BLVRA: variants seen among roughly 807,000 people sequenced by gnomAD.
BLVRA encodes the protein biliverdin reductase A.
Under a neutral mutation model 32.8 loss-of-function variants are expected in BLVRA, and 22 were observed. The ratio of observed to expected loss-of-function variants is 0.67; its 90% confidence interval spans 0.48 to 0.96. BLVRA has a LOEUF of 0.96. BLVRA is among the 40% of genes least tolerant of loss of function. The pLI is 0.00. For synonymous variants in BLVRA, 119 were observed against 141.3 expected (o/e 0.84, Z 1.12); for missense variants, 323 against 358.1 (o/e 0.90, Z 0.79).
intron 1 of BLVRA, among the ~76,000 whole-genome samples, chr7:43,769,118 C>T (rs969517653): frequency 6.6e-6 from 1 of 151,942 alleles, no homozygotes; most frequent in Non-Finnish European, 1.5e-5. Flanking sequence ...GCCTCAAATT[C>T]CTGGGCTCAA....
chr7:43,776,868 G>C (rs1383790221), intron 2 of BLVRA, among the ~76,000 whole-genome samples: 1 of 152,172 alleles, frequency 6.6e-6, no homozygotes, highest in Non-Finnish European at 1.5e-5. Context: ...AGCTCTTCTT[G>C]TTGAATTGAT....
intron 1 of BLVRA, among the ~76,000 whole-genome samples, chr7:43,761,330 A>AG (rs1426601433): frequency 2.6e-5 from 4 of 152,340 alleles, no homozygotes; most frequent in African/African-American, 9.6e-5. Context: ...AAACTATTCC[A>AG]GGGGAAAAAA....
intron 3 of BLVRA, among the ~76,000 whole-genome samples, chr7:43,788,679 A>G (rs1419947317): frequency 2.0e-5 from 3 of 152,146 alleles, no homozygotes; most frequent in Non-Finnish European, 4.4e-5. Context: ...GTGCAATCAC[A>G]GCGCACTGCA....
In BLVRA at chr7:43,768,531, A is replaced by C. The variant is rs541932406; in HGVS notation, c.-21-2607A>C. On this transcript the variant is annotated intron_variant, in intron 1 of 7. Coordinates refer to ENST00000265523, the MANE Select transcript of BLVRA (RefSeq NM_000712.4). ...GCACTTCGTCTGTAAAATGGAATTA[A>C]TACTAGCTTTTTTTTTTGCCAGGGT... 3.3e-5 allele frequency among the ~76,000 whole-genome samples: 5 copies of C among 152,172 alleles called. No individual in the cohort carries two copies. The East Asian group carries it at 7.7e-4, about 24-fold the overall frequency.
chr7:43,805,638 G>C (rs945387050), intron 7 of BLVRA, among the ~76,000 whole-genome samples: 3 of 152,102 alleles, frequency 2.0e-5, no homozygotes, highest in African/African-American at 7.2e-5. Context: ...TTGGGACAGA[G>C]AGCAGTTAAT....
At chr7:43,770,648 G>A (rs186304238) in intron 1 of BLVRA, among the ~76,000 whole-genome samples, 99 of 151,900 alleles carry the variant, frequency 6.5e-4, no homozygotes, top group African/African-American at 2.4e-3. Context: ...CCCCTCCTTC[G>A]TCTTAATGCT....
At chr7:43,802,508 A>AT (rs2095799720) in intron 6 of BLVRA, among the ~76,000 whole-genome samples, 1 of 151,946 alleles carries the variant, frequency 6.6e-6, no homozygotes. Context: ...ATATATATAT[A>AT]TTTTTTTGAT....
intron 3 of BLVRA, among the ~76,000 whole-genome samples, chr7:43,790,278 A>G (rs551593743): frequency 6.6e-6 from 1 of 152,156 alleles, no homozygotes; most frequent in African/African-American, 2.4e-5. Context: ...CATGCTCTAG[A>G]AGAGTCAGAA....
intron 1 of BLVRA, among the ~76,000 whole-genome samples, chr7:43,762,307 A>G (rs1463383707): frequency 1.3e-5 from 2 of 152,012 alleles, no homozygotes; most frequent in South Asian, 2.1e-4. Flanking sequence ...CTAGATGCCA[A>G]TGGCACATAC....
At chr7:43,792,997 T>A (rs2095787912) in intron 5 of BLVRA, among the ~76,000 whole-genome samples, 185 bp downstream of exon 5, 1 of 152,210 alleles carries the variant, frequency 6.6e-6, no homozygotes, top group South Asian at 2.1e-4. Flanking sequence ...TGGGTGGGAA[T>A]TTGCAAACTT....
Position 43,807,303 on chromosome 7 carries a change from A to G in BLVRA, c.*68A>G. On this transcript the variant is annotated 3_prime_UTR_variant, in exon 8 of 8. Coordinates refer to ENST00000265523, the MANE Select transcript of BLVRA (RefSeq NM_000712.4). ...TGGTTCTTCTCAAGAGTTGACCATT[A>G]TCTCTATTCTTAAAATTAAACATGT... 1.3e-6 allele frequency: 2 copies of G among 1,584,544 alleles called. No homozygotes were observed. The highest frequency in any genetic ancestry group is 2.2e-5 in the East Asian group (1 of 44,776).
intron 2 of BLVRA, among the ~76,000 whole-genome samples, chr7:43,778,025 A>C (rs1456624048): frequency 1.3e-5 from 2 of 152,134 alleles, no homozygotes; most frequent in Non-Finnish European, 2.9e-5. Context: ...TGTATTGGTT[A>C]TTCTAGTTAT....
chr7:43,777,387 C>T (rs1397282510), intron 2 of BLVRA, among the ~76,000 whole-genome samples: 23 of 144,116 alleles, frequency 1.6e-4, no homozygotes, highest in Non-Finnish European at 2.6e-4. Flanking sequence ...TATTTTATTT[C>T]TCCTTCACTT....
intron 2 of BLVRA, among the ~76,000 whole-genome samples, chr7:43,779,014 A>G (rs915198930): frequency 9.2e-5 from 14 of 152,222 alleles, no homozygotes; most frequent in Non-Finnish European, 1.3e-4. Flanking sequence ...GGAAAAGCGC[A>G]GTATTAGGGT....
At chr7:43,775,505 G>C (rs10254271) in intron 2 of BLVRA, among the ~76,000 whole-genome samples, 22,009 of 152,174 alleles carry the variant, frequency 0.14, 2,141 homozygotes, top group Non-Finnish European at 0.21. Flanking sequence ...TGATCATGGT[G>C]GATAAGCTTT....
chr7:43,795,469 C>T (rs1005511555), intron 5 of BLVRA, among the ~76,000 whole-genome samples: 1 of 151,652 alleles, frequency 6.6e-6, no homozygotes, highest in Non-Finnish European at 1.5e-5. Flanking sequence ...TGAGGGAGAT[C>T]GCACCACTGC....
intron 1 of BLVRA, 34 bp from the exon 2 acceptor site, chr7:43,771,104 C>T (rs774346735): frequency 1.8e-5 from 29 of 1,609,138 alleles, no homozygotes; most frequent in African/African-American, 2.7e-5. Flanking sequence ...GCAGGTGCCA[C>T]CAGGGACCTG....
In BLVRA at chr7:43,806,980, A is replaced by G. The variant is rs2095804627; in HGVS notation, c.636A>G (p.Pro212=). ...CTTTTGTCTTTTGTCTTTGCAGTCC[A>G]CTGTCATGGATTGAAGAAAAAGGAC... is the stretch of plus-strand genomic sequence containing the variant. ...TVCLETEKKS[P]LSWIEEKGPG... is the part of the protein sequence containing the mutation. Residue 212 remains proline, a synonymous_variant, in exon 8 of 8, where the codon CCA becomes CCG. Coordinates refer to ENST00000265523, the MANE Select transcript of BLVRA (RefSeq NM_000712.4). 4 of 1,613,942 alleles carry G rather than the reference A, an allele frequency of 2.5e-6. No individual in the cohort carries two copies. The highest frequency in any genetic ancestry group is 3.4e-6 in the Non-Finnish European group (4 of 1,180,008).
At chr7:43,762,104 G>C (rs535407881) in intron 1 of BLVRA, among the ~76,000 whole-genome samples, 1 of 152,248 alleles carries the variant, frequency 6.6e-6, no homozygotes, top group East Asian at 1.9e-4. Context: ...ATAGATACTT[G>C]AGAGGGCGTT....
Sources: allele counts gnomAD v4.1 joint callset (sites outside exome capture counted in the v4.1 genomes callset), GRCh38; gene constraint gnomAD v4.1.1; transcripts MANE v1.5; gene names NCBI Gene and HGNC (gene_info 2026-07-23, HGNC 2026-07-21).